Variants in TMEM272 observed in about 807,000 individuals in gnomAD.
The protein encoded by TMEM272 is transmembrane protein 272, also known as long intergenic non-protein coding RNA 282.
TMEM272 carries 8 observed loss-of-function variants against 3.7 expected under a neutral mutation model. The observed-to-expected ratio is 2.17, with a 90% confidence interval of 1.27 to 3.91. TMEM272 has a LOEUF of 3.91. Ranked by LOEUF, TMEM272 falls within the 30% of genes most tolerant of loss-of-function variation. TMEM272 has a pLI of 0.00. For synonymous variants in TMEM272, 63 were observed against 39.8 expected (o/e 1.58, Z -2.20); for missense variants, 166 against 91.5 (o/e 1.81, Z -3.32).
the TMEM272 span, among the ~76,000 whole-genome samples, chr13:51,932,196 G>A: frequency 2.0e-5 from 3 of 151,908 alleles, no homozygotes; most frequent in Non-Finnish European, 2.9e-5. Flanking sequence ...TACACCCCCC[G>A]GCCACCCCAA....
the TMEM272 span, among the ~76,000 whole-genome samples, chr13:51,927,003 T>C: frequency 6.6e-6 from 1 of 152,116 alleles, no homozygotes; most frequent in African/African-American, 2.4e-5. Flanking sequence ...GCCTAAAGCA[T>C]CTAGTGCTTC....
chr13:51,852,645 C>T, the TMEM272 span, among the ~76,000 whole-genome samples: 2 of 151,948 alleles, frequency 1.3e-5, no homozygotes, highest in Non-Finnish European at 2.9e-5. Context: ...TTTGGGAGGC[C>T]AAGGCGGGCA....
intron 3 of TMEM272, among the ~76,000 whole-genome samples, chr13:51,824,590 T>C (rs1035111832): frequency 3.3e-5 from 5 of 152,226 alleles, no homozygotes; most frequent in Non-Finnish European, 5.9e-5. Flanking sequence ...TCCATGGGAA[T>C]TGGCTTGTGG....
chr13:51,920,730 T>C, the TMEM272 span, among the ~76,000 whole-genome samples: 2 of 152,216 alleles, frequency 1.3e-5, no homozygotes, highest in African/African-American at 4.8e-5. Context: ...CACTTTCCAC[T>C]GGCAGAAATG....
the TMEM272 span, among the ~76,000 whole-genome samples, chr13:51,919,980 G>A: frequency 6.6e-6 from 1 of 151,544 alleles, no homozygotes; most frequent in Non-Finnish European, 1.5e-5. Context: ...GGAAAGGAGG[G>A]AGGGAGGCTT....
the TMEM272 span, among the ~76,000 whole-genome samples, chr13:51,871,735 AC>A: frequency 6.6e-6 from 1 of 151,142 alleles, no homozygotes; most frequent in South Asian, 2.1e-4. Flanking sequence ...TTTGTAAGCC[AC>A]TAAGTTTTAG....
the TMEM272 span, among the ~76,000 whole-genome samples, chr13:51,906,617 T>A: frequency 6.6e-6 from 1 of 152,198 alleles, no homozygotes; most frequent in African/African-American, 2.4e-5. Context: ...TAGAGTTATT[T>A]TAACTCCTGA....
chr13:51,902,944 T>C, the TMEM272 span, among the ~76,000 whole-genome samples: 1 of 152,236 alleles, frequency 6.6e-6, no homozygotes, highest in Non-Finnish European at 1.5e-5. Flanking sequence ...AGGGCAATTC[T>C]TCAGGAAGCA....
chr13:51,900,251 A>G, the TMEM272 span, among the ~76,000 whole-genome samples: 1 of 152,210 alleles, frequency 6.6e-6, no homozygotes, highest in South Asian at 2.1e-4. Context: ...AGATCTGATA[A>G]GGGACTGGAG....
At chr13:51,859,335 A>G in the TMEM272 span, among the ~76,000 whole-genome samples, 3 of 152,158 alleles carry the variant, frequency 2.0e-5, no homozygotes, top group Non-Finnish European at 4.4e-5. Context: ...AATTTGGGTC[A>G]CATGCATGTG....
the TMEM272 span, among the ~76,000 whole-genome samples, chr13:51,866,485 AGGT>A: frequency 6.6e-6 from 1 of 152,146 alleles, no homozygotes; most frequent in Non-Finnish European, 1.5e-5. Context: ...CGCTGTGGGG[AGGT>A]CACTTCTCCT....
At chr13:51,913,557 A>G in the TMEM272 span, among the ~76,000 whole-genome samples, 1 of 152,154 alleles carries the variant, frequency 6.6e-6, no homozygotes, top group Non-Finnish European at 1.5e-5. Flanking sequence ...GGGGCAGCTT[A>G]AAATAACCCA....
the TMEM272 span, chr13:51,933,670 TTCC>T: frequency 4.6e-5 from 7 of 152,302 alleles, no homozygotes; most frequent in South Asian, 1.2e-3. Flanking sequence ...AGGCTGTGTT[TTCC>T]TCCTATTTGG....
At chr13:51,889,031 TG>T in the TMEM272 span, among the ~76,000 whole-genome samples, 1 of 152,204 alleles carries the variant, frequency 6.6e-6, no homozygotes, top group African/African-American at 2.4e-5. Context: ...TTCCCACTGA[TG>T]GGTATCTACA....
chr13:51,821,677 AAAAAAAAAAAGC>A lies in TMEM272; in HGVS notation c.201+366_201+377del, dbSNP rs1349233256. Among the ~76,000 whole-genome samples the A allele has an allele frequency of 1.5e-5, 2 of 136,448 alleles. 1 individual carries two copies. Among genetic ancestry groups the A allele is most frequent in the East Asian group, 4.3e-4 (2 of 4,652 alleles). The allele number at this position is 136,448 out of a possible 152,430, so 89.5% of individuals were successfully genotyped here. A position where few individuals can be genotyped will look rare whatever the true frequency, so the allele number is the denominator to read the frequency against. On this transcript the variant is annotated intron_variant, in intron 4 of 4. Transcript: ENST00000629372. ...GAAGCTTTTTTTTCCTCAAAAAAAAAAAAAAAAAAAGCAAAAAAAAAAAAAGCAGCAGCAGCA... is the reference window on the plus strand; with the variant it reads ...GAAGCTTTTTTTTCCTCAAAAAAAAAAAAAAAAAAAAAAGCAGCAGCAGCA...
chr13:51,893,527 G>A, the TMEM272 span, among the ~76,000 whole-genome samples: 14 of 152,210 alleles, frequency 9.2e-5, no homozygotes, highest in African/African-American at 3.4e-4. Context: ...AACGATGAAT[G>A]TGTGTTTTTC....
chr13:51,839,559 T>C (rs1956243857), intron 1 of TMEM272, among the ~76,000 whole-genome samples: 1 of 152,148 alleles, frequency 6.6e-6, no homozygotes. Context: ...AAGGTCCTTG[T>C]TCCTCATACT....
the TMEM272 span, among the ~76,000 whole-genome samples, chr13:51,897,976 G>C: frequency 6.9e-6 from 1 of 145,256 alleles, no homozygotes; most frequent in Non-Finnish European, 1.5e-5. Flanking sequence ...TGTAATTCCA[G>C]CACTTTGGGA....
Position 51,816,822 on chromosome 13 carries a change from C to A in TMEM272, c.493G>T (p.Val165Phe). Residue 165 changes from valine to phenylalanine, a missense_variant, in exon 5 of 5, where the codon GTC becomes TTC. Val to Phe is a conservative substitution (Grantham distance 50). Coordinates refer to ENST00000629372, the MANE Select transcript of TMEM272 (RefSeq NM_001351003.2). Reference protein sequence around the residue: ...GVLALSHTVLVLLLLCSGCVY... With the variant: ...GVLALSHTVLFLLLLCSGCVY... ...CAGCCGCTGCACAGCAGGAGCAAGA[C>A]CAGCACAGTGTGACTGAGCGCCAGG... is the stretch of plus-strand genomic sequence containing the variant. 1 of 702,994 alleles carries A rather than the reference C, an allele frequency of 1.4e-6. No homozygotes were observed. Among genetic ancestry groups the A allele is most frequent in the African/African-American group, 1.7e-5 (1 of 57,352 alleles). The allele number at this position is 702,994 out of a possible 1,614,324, so 43.5% of individuals were successfully genotyped here.
Sources: gnomAD v4.1 joint callset for allele counts (sites outside exome capture counted in the v4.1 genomes callset) on GRCh38, gnomAD v4.1.1 for gene constraint, MANE v1.5 for transcripts, NCBI Gene and HGNC (gene_info 2026-07-23, HGNC 2026-07-21) for gene names.